FAM168A: variants seen among roughly 807,000 people sequenced by gnomAD.
FAM168A encodes the protein protein FAM168A.
In FAM168A, 3 loss-of-function variants were observed where a neutral mutation model predicts 28.5. The ratio of observed to expected loss-of-function variants is 0.11; its 90% CI spans 0.05 to 0.27. The LOEUF is 0.27. FAM168A is among the 10% of genes least tolerant of loss of function. The pLI, the probability that FAM168A is intolerant of heterozygous loss-of-function variation, is 1.00. For synonymous variants in FAM168A, 122 were observed against 124.2 expected, an observed-to-expected ratio of 0.98 and a Z score of 0.12; for missense variants, 222 against 311.5, an observed-to-expected ratio of 0.71 and a Z score of 2.16.
At chr11:73,583,793 G>T (rs1184300957) in intron 1 of FAM168A, among the ~76,000 whole-genome samples, 1 of 152,200 alleles carries the variant, frequency 6.6e-6, no homozygotes, top group African/African-American at 2.4e-5. Context: ...AAACGCACAA[G>T]CCAGGAGGAG....
At chr11:73,407,260 G>A (rs149144528) in intron 7 of FAM168A, among the ~76,000 whole-genome samples, 1 of 152,260 alleles carries the variant, frequency 6.6e-6, no homozygotes, top group East Asian at 1.9e-4. Flanking sequence ...GCAACTATAA[G>A]GATTATGAGA....
intron 1 of FAM168A, among the ~76,000 whole-genome samples, chr11:73,578,398 G>A (rs1210958051): frequency 6.6e-6 from 1 of 152,158 alleles, no homozygotes; most frequent in Non-Finnish European, 1.5e-5. Flanking sequence ...GTATATGTAT[G>A]TCAAAACTTA....
chr11:73,433,128 G>A (rs1428011155), intron 2 of FAM168A, among the ~76,000 whole-genome samples: 2 of 75,772 alleles, frequency 2.6e-5, no homozygotes, highest in African/African-American at 5.3e-5. Flanking sequence ...GTCTCATTAT[G>A]TTGCCCACAC....
chr11:73,534,488 C>T (rs1416128928), intron 1 of FAM168A, among the ~76,000 whole-genome samples: 1 of 151,936 alleles, frequency 6.6e-6, no homozygotes, highest in Non-Finnish European at 1.5e-5. Context: ...CTGCAACCTC[C>T]ACCTCCTGGG....
chr11:73,522,203 CAAA>C (rs5792619), intron 1 of FAM168A, among the ~76,000 whole-genome samples: 1 of 144,550 alleles, frequency 6.9e-6, no homozygotes. Context: ...TCTAGTCCAC[CAAA>C]AAAAAAAAAA....
intron 1 of FAM168A, among the ~76,000 whole-genome samples, chr11:73,572,211 G>A (rs1457130752): frequency 6.6e-6 from 1 of 151,314 alleles, no homozygotes; most frequent in Non-Finnish European, 1.5e-5. Flanking sequence ...GGAGGTCAGG[G>A]GTCAGCCCCC....
At chr11:73,541,996 T>C (rs779941820) in intron 1 of FAM168A, among the ~76,000 whole-genome samples, 70 of 152,272 alleles carry the variant, frequency 4.6e-4, no homozygotes, top group Middle Eastern at 6.8e-3. Context: ...CCAACACAGA[T>C]TACCTGATCT....
intron 1 of FAM168A, among the ~76,000 whole-genome samples, chr11:73,477,352 CT>C (rs1467204879): frequency 1.3e-5 from 2 of 151,636 alleles, no homozygotes; most frequent in Non-Finnish European, 2.9e-5. Flanking sequence ...TATGTTACCC[CT>C]AAACCTAAAA....
At chr11:73,583,457 G>A (rs1944273372) in intron 1 of FAM168A, among the ~76,000 whole-genome samples, 1 of 152,164 alleles carries the variant, frequency 6.6e-6, no homozygotes, top group South Asian at 2.1e-4. Flanking sequence ...GTCCCAAGAT[G>A]GGCTCTGAGA....
chr11:73,520,140 G>T (rs1489620121), intron 1 of FAM168A, among the ~76,000 whole-genome samples: 1 of 151,908 alleles, frequency 6.6e-6, no homozygotes, highest in Non-Finnish European at 1.5e-5. Flanking sequence ...CTGCCTCCCT[G>T]GTTCAAGCAA....
At chr11:73,482,757 G>C (rs894307524) in intron 1 of FAM168A, among the ~76,000 whole-genome samples, 3 of 151,708 alleles carry the variant, frequency 2.0e-5, no homozygotes, top group African/African-American at 7.3e-5. Context: ...TTTTTCTTTT[G>C]AGACAGAGTC....
intron 1 of FAM168A, among the ~76,000 whole-genome samples, chr11:73,490,224 T>C (rs1313663052): frequency 5.3e-5 from 8 of 152,182 alleles, no homozygotes; most frequent in Non-Finnish European, 8.8e-5. Flanking sequence ...CAGAATTCAA[T>C]CAATTCTCAC....
rs1424691858 is a variant in FAM168A, at chr11:73,403,703, C to G, written c.*3060G>C. The G allele has an allele frequency of 6.6e-6, 1 of 152,234 alleles. No individual in the cohort carries two copies. Among genetic ancestry groups the G allele is most frequent in the Non-Finnish European group, 1.5e-5 (1 of 68,050 alleles). The allele number at this position is 152,234 out of a possible 1,614,324, so 9.4% of individuals were successfully genotyped here. ...AGAGGCACATGACTGTCCCCGCTCT[C>G]CTGGGCTCAGTCCTTTTGCAGTGAC... On this transcript the variant is annotated 3_prime_UTR_variant, in exon 8 of 8. Transcript: ENST00000356467.
chr11:73,435,987 T>C (rs1867080124), intron 2 of FAM168A, among the ~76,000 whole-genome samples: 1 of 152,198 alleles, frequency 6.6e-6, no homozygotes, highest in South Asian at 2.1e-4. Context: ...CCAAAAGCAA[T>C]GCCTTTTCCA....
chr11:73,467,646 G>A (rs187663022), intron 2 of FAM168A, among the ~76,000 whole-genome samples: 98 of 152,308 alleles, frequency 6.4e-4, no homozygotes, highest in Non-Finnish European at 1.1e-3. Context: ...CAGGATCAAA[G>A]CAAATAGGAA....
chr11:73,489,036 A>G lies in FAM168A; in HGVS notation c.-18-20544T>C, dbSNP rs558765872. ...CCCGAGTAGCTGGGACTGTAAGTGT[A>G]TGCCCGTCTAATTTTTGTATTTTTA... On this transcript the variant is annotated intron_variant, in intron 1 of 7. Coordinates refer to ENST00000356467, the MANE Select transcript of FAM168A (RefSeq NM_015159.3). Among the ~76,000 whole-genome samples, 3 of 152,086 alleles carry G rather than the reference A, an allele frequency of 2.0e-5. No homozygotes were observed. In the South Asian group the frequency reaches 6.2e-4, roughly 32 times the overall value.
intron 1 of FAM168A, among the ~76,000 whole-genome samples, chr11:73,515,451 T>C (rs1221229093): frequency 3.4e-5 from 5 of 147,450 alleles, no homozygotes; most frequent in African/African-American, 1.3e-4. Context: ...GAGGTTGCAG[T>C]GAGCCGAGAT....
At chr11:73,483,956 G>A (rs1868003325) in intron 1 of FAM168A, among the ~76,000 whole-genome samples, 2 of 152,200 alleles carry the variant, frequency 1.3e-5, no homozygotes, top group Non-Finnish European at 2.9e-5. Flanking sequence ...TAGCACAAGA[G>A]AATATTGTCA....
rs766846612 is a variant in FAM168A at position 73,430,675 on chromosome 11, C to G, written c.151+15G>C. 2.1e-5 allele frequency: 34 copies of G among 1,611,350 alleles called. No homozygotes were observed. The East Asian group carries it at 6.2e-4, about 30-fold the overall frequency. On this transcript the variant is annotated intron_variant, in intron 3 of 7. Coordinates refer to ENST00000356467, the MANE Select transcript of FAM168A (RefSeq NM_015159.3). ...TCCCACTCCATTCGCCACTGCTGTC[C>G]CATTTCCTCCTTACCTGGAGCATAA...
Sources: gnomAD v4.1 joint callset for allele counts (sites outside exome capture counted in the v4.1 genomes callset) on GRCh38, gnomAD v4.1.1 for gene constraint, MANE v1.5 for transcripts, NCBI Gene and HGNC (gene_info 2026-07-23, HGNC 2026-07-21) for gene names.